MAML3: variants seen among roughly 807,000 people sequenced by gnomAD.
MAML3 encodes the protein mastermind-like protein 3.
MAML3 carries 27 observed loss-of-function variants against 101.9 expected under a neutral mutation model. That is an observed-to-expected ratio of 0.27 (90% CI 0.20 to 0.37). MAML3 has a LOEUF of 0.37. Ranked by LOEUF, MAML3 falls within the 10% of genes least tolerant of loss-of-function variation. The pLI is 1.00. For missense variants in MAML3, 1,316 were observed against 1,444.9 expected (o/e 0.91, Z 1.45); for synonymous variants, 501 against 555.9 (o/e 0.90, Z 1.39).
chr4:140,101,634 C>T (rs1170230448), intron 1 of MAML3, among the ~76,000 whole-genome samples: 1 of 152,088 alleles, frequency 6.6e-6, no homozygotes, highest in African/African-American at 2.4e-5. Flanking sequence ...TCTTCATTTG[C>T]CTAGCTATCA....
At chr4:139,901,741 G>A (rs1400358737) in intron 1 of MAML3, among the ~76,000 whole-genome samples, 8 of 152,210 alleles carry the variant, frequency 5.3e-5, no homozygotes, top group African/African-American at 1.9e-4. Flanking sequence ...CTAAGCGTGA[G>A]GTTTCGATTT....
At chr4:139,909,785 C>T (rs1464010765) in intron 1 of MAML3, among the ~76,000 whole-genome samples, 1 of 134,654 alleles carries the variant, frequency 7.4e-6, no homozygotes, top group Admixed American at 9.2e-5. Context: ...TGTGGTGAGC[C>T]GAGATCACCC....
chr4:140,147,788 A>T (rs1002401551), intron 1 of MAML3, among the ~76,000 whole-genome samples: 1 of 152,242 alleles, frequency 6.6e-6, no homozygotes, highest in Non-Finnish European at 1.5e-5. Flanking sequence ...GTTACTTAAC[A>T]AACAGGGAAC....
At chr4:139,807,709 C>T (rs1730725241) in intron 2 of MAML3, among the ~76,000 whole-genome samples, 1 of 152,156 alleles carries the variant, frequency 6.6e-6, no homozygotes, top group African/African-American at 2.4e-5. Flanking sequence ...TTTGCCAACC[C>T]TTGTTTGCTC....
chr4:140,003,805 T>C (rs1374285145), intron 1 of MAML3, among the ~76,000 whole-genome samples: 1 of 152,218 alleles, frequency 6.6e-6, no homozygotes, highest in African/African-American at 2.4e-5. Flanking sequence ...AGTTTCCATG[T>C]CTGTGACAAT....
At chr4:139,974,130 G>C (rs946881296) in intron 1 of MAML3, among the ~76,000 whole-genome samples, 2 of 140,780 alleles carry the variant, frequency 1.4e-5, no homozygotes, top group South Asian at 2.2e-4. Context: ...TTTTGAGACA[G>C]AGTCTCGCTC....
chr4:139,940,760 A>T (rs912599204), intron 1 of MAML3, among the ~76,000 whole-genome samples: 1 of 152,164 alleles, frequency 6.6e-6, no homozygotes, highest in Non-Finnish European at 1.5e-5. Flanking sequence ...CCCTCTTCAC[A>T]TACACAACAT....
intron 1 of MAML3, among the ~76,000 whole-genome samples, chr4:140,087,075 G>A (rs370849836): frequency 8.5e-5 from 13 of 152,204 alleles, no homozygotes; most frequent in African/African-American, 2.7e-4. Context: ...CAGGAGGATC[G>A]CTTGAACCTG....
At chr4:139,868,183 G>C (rs1220449020) in intron 2 of MAML3, among the ~76,000 whole-genome samples, 1 of 152,160 alleles carries the variant, frequency 6.6e-6, no homozygotes, top group Non-Finnish European at 1.5e-5. Flanking sequence ...ATTACACTTA[G>C]GAGCTATTTA....
At chr4:139,875,555 G>A (rs185704296) in intron 2 of MAML3, among the ~76,000 whole-genome samples, 7 of 152,118 alleles carry the variant, frequency 4.6e-5, no homozygotes, top group African/African-American at 1.2e-4. Flanking sequence ...CAAGCCCAGC[G>A]CACCAGCCAC....
chr4:139,807,828 A>G (rs1730726581), intron 2 of MAML3, among the ~76,000 whole-genome samples: 1 of 152,214 alleles, frequency 6.6e-6, no homozygotes, highest in South Asian at 2.1e-4. Flanking sequence ...ATACACTCCA[A>G]TTGTTAGCTT....
intron 1 of MAML3, among the ~76,000 whole-genome samples, chr4:139,928,960 G>A (rs538503193): frequency 1.3e-5 from 2 of 152,314 alleles, no homozygotes; most frequent in East Asian, 3.9e-4. Context: ...GGCAACAGCT[G>A]TGAAGAGGAA....
At chr4:139,902,291 G>T (rs916745531) in intron 1 of MAML3, among the ~76,000 whole-genome samples, 1 of 149,758 alleles carries the variant, frequency 6.7e-6, no homozygotes, top group Non-Finnish European at 1.5e-5. Flanking sequence ...ACACACACAC[G>T]TCTCAATGAG....
chr4:139,947,724 T>C (rs1733755805), intron 1 of MAML3, among the ~76,000 whole-genome samples: 2 of 152,166 alleles, frequency 1.3e-5, no homozygotes, highest in Non-Finnish European at 2.9e-5. Flanking sequence ...TGCCTCAGTT[T>C]CGACAGCAGG....
intron 2 of MAML3, among the ~76,000 whole-genome samples, chr4:139,879,724 AT>A (rs1732182707): frequency 0.026 from 2 of 76 alleles, no homozygotes. Flanking sequence ...GTGGAATCTG[AT>A]TGATTACCTG....
intron 1 of MAML3, among the ~76,000 whole-genome samples, chr4:140,100,930 T>C (rs1352175175): frequency 6.6e-6 from 1 of 152,168 alleles, no homozygotes; most frequent in Non-Finnish European, 1.5e-5. Flanking sequence ...TGGGCTTCCC[T>C]GTAAGAAATA....
intron 2 of MAML3, among the ~76,000 whole-genome samples, chr4:139,835,519 G>A (rs1233131521): frequency 2.6e-5 from 4 of 152,208 alleles, no homozygotes; most frequent in Admixed American, 6.5e-5. Flanking sequence ...GTCCATTCTG[G>A]TGTGGGTCCT....
At chr4:140,109,292 A>T (rs76465609) in intron 1 of MAML3, among the ~76,000 whole-genome samples, 1 of 152,176 alleles carries the variant, frequency 6.6e-6, no homozygotes, top group East Asian at 1.9e-4. Flanking sequence ...ACAACTCTAT[A>T]CTCTATGCAG....
intron 1 of MAML3, among the ~76,000 whole-genome samples, chr4:140,023,054 C>T (rs547907649): frequency 1.2e-4 from 18 of 152,292 alleles, no homozygotes; most frequent in Non-Finnish European, 2.1e-4. Context: ...GGCTCTGAGA[C>T]ATCTTGCAGG....
Sources: allele counts gnomAD v4.1 joint callset (sites outside exome capture counted in the v4.1 genomes callset), GRCh38; gene constraint gnomAD v4.1.1; transcripts MANE v1.5; gene names NCBI Gene and HGNC (gene_info 2026-07-23, HGNC 2026-07-21).